PIK3R3: variants seen among roughly 807,000 people sequenced by gnomAD.
The protein encoded by PIK3R3 is phosphoinositide-3-kinase regulatory subunit 3.
In PIK3R3, 64 loss-of-function variants were observed where a neutral mutation model predicts 62.9. The ratio of observed to expected loss-of-function variants is 1.02; its 90% CI spans 0.83 to 1.25. The LOEUF (loss-of-function observed/expected upper bound fraction) is 1.25. PIK3R3 is among the 50% of genes most tolerant of loss of function. The probability of loss-of-function intolerance (pLI) is 0.00; values close to 1 mark genes in which losing one functional copy is unlikely to be tolerated. For missense variants in PIK3R3, 614 were observed against 561.6 expected (o/e 1.09, Z -0.94); for synonymous variants, 165 against 189.0 (o/e 0.87, Z 1.04).
At chr1:46,092,205 C>CCTT (rs1329891764) in intron 1 of PIK3R3, among the ~76,000 whole-genome samples, 1 of 152,172 alleles carries the variant, frequency 6.6e-6, no homozygotes, top group African/African-American at 2.4e-5. Context: ...AATGAAGGCG[C>CCTT]CTTAGCCCAA....
chr1:46,110,574 T>G (rs1430422819), intron 1 of PIK3R3, among the ~76,000 whole-genome samples: 1 of 152,116 alleles, frequency 6.6e-6, no homozygotes, highest in Non-Finnish European at 1.5e-5. Context: ...AATCTAAAGT[T>G]TAGTGATTAT....
At chr1:46,064,962 T>C (rs1215378002) in intron 5 of PIK3R3, among the ~76,000 whole-genome samples, 1 of 152,134 alleles carries the variant, frequency 6.6e-6, no homozygotes, top group Non-Finnish European at 1.5e-5. Flanking sequence ...AAAAAATCCA[T>C]TATTGTTATC....
chr1:46,118,826 G>A (rs1292816655), intron 1 of PIK3R3, among the ~76,000 whole-genome samples: 2 of 151,882 alleles, frequency 1.3e-5, no homozygotes, highest in African/African-American at 4.8e-5. Context: ...ACAGTGCTGG[G>A]ATTACAGGCA....
chr1:46,133,327 G>T (rs993252560), upstream of PIK3R3, among the ~76,000 whole-genome samples: 1 of 152,264 alleles, frequency 6.6e-6, no homozygotes, highest in Admixed American at 6.5e-5. Flanking sequence ...CTGAGGCTTG[G>T]TCCGCCCGGA....
intron 1 of PIK3R3, among the ~76,000 whole-genome samples, chr1:46,100,139 T>C (rs1008347439): frequency 6.6e-6 from 1 of 152,222 alleles, no homozygotes; most frequent in Non-Finnish European, 1.5e-5. Context: ...TGTACATTTT[T>C]TATTTTAATC....
chr1:46,114,325 T>TA (rs988684579), intron 1 of PIK3R3, among the ~76,000 whole-genome samples: 1 of 152,176 alleles, frequency 6.6e-6, no homozygotes, highest in Non-Finnish European at 1.5e-5. Context: ...AGAAAGTAGA[T>TA]ATGCAAAAAA....
the PIK3R3 span, among the ~76,000 whole-genome samples, chr1:46,165,305 C>CTTTT: frequency 1.0e-3 from 132 of 130,008 alleles, no homozygotes; most frequent in African/African-American, 3.6e-3. Flanking sequence ...TCTTCTTCTT[C>CTTTT]TTTTTTTTTT....
the PIK3R3 span, among the ~76,000 whole-genome samples, chr1:46,153,280 C>T: frequency 6.6e-6 from 1 of 152,170 alleles, no homozygotes. Context: ...ACCCACTTTC[C>T]TACTTGTAGG....
chr1:46,090,254 G>C (rs1452426493), intron 1 of PIK3R3, among the ~76,000 whole-genome samples: 2 of 152,134 alleles, frequency 1.3e-5, no homozygotes, highest in Non-Finnish European at 2.9e-5. Context: ...GTACAGGCTA[G>C]TGAGAGCTGA....
At chr1:46,169,952 C>G in the PIK3R3 span, among the ~76,000 whole-genome samples, 3 of 152,114 alleles carry the variant, frequency 2.0e-5, no homozygotes, top group African/African-American at 7.2e-5. Context: ...GATCAGCCCC[C>G]CTAGGCACAA....
chr1:46,132,410 T>C lies in PIK3R3; in HGVS notation c.-458A>G, dbSNP rs1403028448. The C allele has an allele frequency of 7.9e-6, 9 of 1,144,466 alleles. No individual in the cohort carries two copies. The highest frequency in any genetic ancestry group is 9.8e-6 in the Non-Finnish European group (9 of 919,884). The allele number at this position is 1,144,466 out of a possible 1,614,324, so 70.9% of individuals were successfully genotyped here. A position where few individuals can be genotyped will look rare whatever the true frequency, so the allele number is the denominator to read the frequency against. On this transcript the variant is annotated 5_prime_UTR_variant, in exon 1 of 10. Coordinates refer to ENST00000262741, the MANE Select transcript of PIK3R3 (RefSeq NM_003629.4). ...GACAAAGGAAGGCAAAAAAGGGGGC[T>C]GGAGATTGCGTTCAAGTTTCGGGGT...
chr1:46,067,176 G>T, intron 3 of PIK3R3, 85 bp from the exon 4 acceptor site: 1 of 994,760 alleles, frequency 1.0e-6, no homozygotes, highest in Non-Finnish European at 1.5e-6. Flanking sequence ...GTGAAAGCTT[G>T]GTGTCACATG....
the PIK3R3 span, among the ~76,000 whole-genome samples, chr1:46,144,046 T>C: frequency 2.0e-5 from 3 of 152,216 alleles, no homozygotes; most frequent in African/African-American, 4.8e-5. Flanking sequence ...TACATGACTG[T>C]GTCCCTGGCC....
At chr1:46,065,814 A>T (rs1482545220) in intron 5 of PIK3R3, among the ~76,000 whole-genome samples, 3 of 152,202 alleles carry the variant, frequency 2.0e-5, no homozygotes, top group Non-Finnish European at 4.4e-5. Context: ...AAGAAAACTA[A>T]ATTTCTATCT....
At position 46,043,647 on chromosome 1, in the gene PIK3R3, G is replaced by C. The variant is rs745801735; in HGVS notation, c.*26C>G. On this transcript the variant is annotated 3_prime_UTR_variant, in exon 10 of 10. Transcript: ENST00000262741. ...AAAAACTGTAGAAAAAAATGCCAGA[G>C]AACCACCTCTCTTCCCACTTCCTCT... The C allele has an allele frequency of 1.9e-6, 3 of 1,603,154 alleles. No individual in the cohort carries two copies. Among genetic ancestry groups the C allele is most frequent in the Non-Finnish European group, 1.7e-6 (2 of 1,170,260 alleles).
the PIK3R3 span, among the ~76,000 whole-genome samples, chr1:46,172,361 G>T: frequency 1.3e-5 from 2 of 152,160 alleles, no homozygotes; most frequent in African/African-American, 4.8e-5. Flanking sequence ...GCAAGCAGTA[G>T]CTCACGTCTG....
intron 1 of PIK3R3, among the ~76,000 whole-genome samples, chr1:46,127,090 T>A (rs867165265): frequency 8.0e-5 from 12 of 149,944 alleles, no homozygotes; most frequent in African/African-American, 1.2e-4. Flanking sequence ...ATCCCAGCAT[T>A]TTGGGAGGCT....
intron 1 of PIK3R3, among the ~76,000 whole-genome samples, chr1:46,114,649 G>C (rs978025163): frequency 6.6e-6 from 1 of 151,944 alleles, no homozygotes; most frequent in Non-Finnish European, 1.5e-5. Flanking sequence ...CTGTCATCTA[G>C]GCTGGAGTGC....
chr1:46,098,463 G>C (rs1652350735), intron 1 of PIK3R3, among the ~76,000 whole-genome samples: 1 of 152,184 alleles, frequency 6.6e-6, no homozygotes, highest in Middle Eastern at 3.2e-3. Context: ...CCATTAACTG[G>C]TGAATGGGAA....
Sources: gnomAD v4.1 joint callset for allele counts (sites outside exome capture counted in the v4.1 genomes callset) on GRCh38, gnomAD v4.1.1 for gene constraint, MANE v1.5 for transcripts, NCBI Gene and HGNC (gene_info 2026-07-23, HGNC 2026-07-21) for gene names.